THSD4: variants seen among roughly 807,000 people sequenced by gnomAD.
The protein encoded by THSD4 is thrombospondin type-1 domain-containing protein 4.
THSD4 carries 69 observed loss-of-function variants against 119.0 expected under a neutral mutation model. The observed-to-expected ratio is 0.58, with a 90% CI of 0.48 to 0.71. THSD4 has a LOEUF of 0.71. Ranked by LOEUF, THSD4 falls within the 30% of genes least tolerant of loss-of-function variation. The pLI is 0.00. For synonymous variants in THSD4, 524 were observed against 540.4 expected, an observed-to-expected ratio of 0.97 and a Z score of 0.42; for missense variants, 1,393 against 1,391.1, an observed-to-expected ratio of 1.00 and a Z score of -0.02.
At chr15:71,459,985 G>A (rs935797912) in intron 7 of THSD4, among the ~76,000 whole-genome samples, 2 of 152,062 alleles carry the variant, frequency 1.3e-5, no homozygotes, top group Non-Finnish European at 2.9e-5. Context: ...AGTTACCAGC[G>A]GTCTCTACCT....
intron 1 of THSD4, among the ~76,000 whole-genome samples, chr15:71,117,305 G>A (rs78469788): frequency 0.026 from 3,995 of 152,266 alleles, 86 homozygotes; most frequent in Middle Eastern, 0.065. Context: ...AGTTTGGGAG[G>A]AAGATCAGGG....
chr15:71,536,432 T>C (rs745478354), intron 7 of THSD4, among the ~76,000 whole-genome samples: 1 of 152,218 alleles, frequency 6.6e-6, no homozygotes, highest in African/African-American at 2.4e-5. Context: ...AAATAATCTC[T>C]GTATTTTAAA....
At chr15:71,204,963 C>T (rs2043831585) in intron 3 of THSD4, among the ~76,000 whole-genome samples, 1 of 152,116 alleles carries the variant, frequency 6.6e-6, no homozygotes. Flanking sequence ...GAAGTAGCAG[C>T]CTATGAGCTC....
chr15:71,607,867 A>G (rs1462583647), intron 7 of THSD4, among the ~76,000 whole-genome samples: 1 of 152,152 alleles, frequency 6.6e-6, no homozygotes, highest in African/African-American at 2.4e-5. Context: ...CCTGCTGTCT[A>G]ACAGTCTCTT....
chr15:71,451,148 A>G (rs149452838), intron 7 of THSD4, among the ~76,000 whole-genome samples: 119 of 152,304 alleles, frequency 7.8e-4, no homozygotes, highest in African/African-American at 2.6e-3. Context: ...ACTGCACTCC[A>G]GCCTGGGCAA....
chr15:71,292,965 C>T (rs569176069), intron 6 of THSD4, among the ~76,000 whole-genome samples: 35 of 152,278 alleles, frequency 2.3e-4, no homozygotes, highest in African/African-American at 5.3e-4. Flanking sequence ...CATGAGCCAC[C>T]GCACCTGGCC....
intron 1 of THSD4, among the ~76,000 whole-genome samples, chr15:71,107,914 G>A (rs891579347): frequency 2.0e-5 from 3 of 152,178 alleles, no homozygotes; most frequent in Admixed American, 1.3e-4. Flanking sequence ...AGGTCATAAG[G>A]CTAGTACCCA....
chr15:71,280,108 G>A (rs1252403538), intron 6 of THSD4, among the ~76,000 whole-genome samples: 1 of 152,210 alleles, frequency 6.6e-6, no homozygotes, highest in Non-Finnish European at 1.5e-5. Context: ...GACTGGGCGT[G>A]TGCAGATGTA....
intron 4 of THSD4, among the ~76,000 whole-genome samples, chr15:71,224,364 C>T (rs537749648): frequency 6.6e-6 from 1 of 152,226 alleles, no homozygotes; most frequent in South Asian, 2.1e-4. Context: ...CATGGATGGC[C>T]AACATTTTTT....
At chr15:71,616,307 T>G (rs1214659639) in intron 7 of THSD4, among the ~76,000 whole-genome samples, 1 of 152,204 alleles carries the variant, frequency 6.6e-6, no homozygotes, top group East Asian at 1.9e-4. Context: ...AATTGTGGAA[T>G]GTCTTAGTAG....
At chr15:71,592,291 A>G (rs2049821967) in intron 7 of THSD4, among the ~76,000 whole-genome samples, 1 of 152,186 alleles carries the variant, frequency 6.6e-6, no homozygotes, top group Non-Finnish European at 1.5e-5. Context: ...CCCATGTTCC[A>G]CCAGCAGTGA....
At chr15:71,364,338 T>G (rs1020495433) in intron 6 of THSD4, among the ~76,000 whole-genome samples, 1 of 152,236 alleles carries the variant, frequency 6.6e-6, no homozygotes, top group African/African-American at 2.4e-5. Context: ...CAGAGGCCAT[T>G]GTATCAAATG....
At position 71,674,489 on chromosome 15, in the gene THSD4, G is replaced by T. The variant is rs558235402; in HGVS notation, c.1357+13755G>T. Among the ~76,000 whole-genome samples, 12 of 152,224 alleles carry T rather than the reference G, an allele frequency of 7.9e-5. No homozygotes were observed. In the South Asian group the frequency reaches 2.5e-3, roughly 32 times the overall value. The stretch of plus-strand genomic sequence containing the variant: ...CCCTGGATCAGTGCTTTTCACCCTG[G>T]CTGCACATTGCACTCATGGGAGGCA... On this transcript the variant is annotated intron_variant, in intron 8 of 17. Coordinates refer to ENST00000261862, the MANE Select transcript of THSD4 (RefSeq NM_024817.3).
chr15:71,136,530 G>C (rs1307785883), intron 1 of THSD4, among the ~76,000 whole-genome samples: 2 of 152,144 alleles, frequency 1.3e-5, no homozygotes, highest in Non-Finnish European at 2.9e-5. Context: ...GCTGGATTTG[G>C]GGTCTGGAGC....
intron 8 of THSD4, among the ~76,000 whole-genome samples, chr15:71,699,760 G>C (rs73430222): frequency 6.6e-6 from 1 of 152,124 alleles, no homozygotes; most frequent in African/African-American, 2.4e-5. Context: ...CTCATCAGAA[G>C]GGCTTTGTGG....
At chr15:71,409,126 G>C (rs1199081204) in intron 6 of THSD4, among the ~76,000 whole-genome samples, 1 of 146,578 alleles carries the variant, frequency 6.8e-6, no homozygotes, top group Non-Finnish European at 1.5e-5. Flanking sequence ...AGATTCTGCT[G>C]TAATTGTCTC....
At position 71,732,491 on chromosome 15, in the gene THSD4, T is replaced by A. The variant is rs554636364; in HGVS notation, c.1630+1274T>A. 2.6e-5 allele frequency: 4 copies of A among 152,290 alleles called. No homozygotes were observed. The South Asian group carries it at 8.3e-4, about 32-fold the overall frequency. The allele number at this position is 152,290 out of a possible 1,614,324, so 9.4% of individuals were successfully genotyped here. A position where few individuals can be genotyped will look rare whatever the true frequency, so the allele number is the denominator to read the frequency against. On this transcript the variant is annotated intron_variant, in intron 10 of 17. Coordinates refer to ENST00000261862, the MANE Select transcript of THSD4 (RefSeq NM_024817.3). ...CACCACCCAAATGCAGGCAGTCTTT[T>A]CCTTCCTTAAAATAGGAAGGTCTGC...
intron 6 of THSD4, among the ~76,000 whole-genome samples, chr15:71,377,347 G>A (rs1016151098): frequency 1.3e-5 from 2 of 152,176 alleles, no homozygotes; most frequent in Non-Finnish European, 2.9e-5. Flanking sequence ...CAGGCAGTAT[G>A]TGGGCTAGGA....
intron 6 of THSD4, among the ~76,000 whole-genome samples, chr15:71,369,400 C>A (rs76607554): frequency 0.26 from 39,506 of 152,004 alleles, 5,645 homozygotes; most frequent in East Asian, 0.54. Flanking sequence ...CCCATTCAGT[C>A]TGATATTGGC....
Sources: allele counts gnomAD v4.1 joint callset (sites outside exome capture counted in the v4.1 genomes callset), GRCh38; gene constraint gnomAD v4.1.1; transcripts MANE v1.5; gene names NCBI Gene and HGNC (gene_info 2026-07-23, HGNC 2026-07-21).